The following PIR variants were observed in gnomAD, a reference collection of about 807,000 sequenced individuals.
PIR encodes pirin (iron-binding nuclear protein).
A neutral mutation model predicts 24.2 loss-of-function variants in PIR; 22 were observed. The ratio of observed to expected loss-of-function variants is 0.91; its 90% confidence interval spans 0.65 to 1.30. PIR has a LOEUF of 1.30. Among genes scored for constraint, PIR ranks in the 50% most tolerant of loss-of-function variants. The probability of loss-of-function intolerance (pLI) is 0.00; values close to 1 mark genes in which losing one functional copy is unlikely to be tolerated. For missense variants in PIR, 220 were observed against 220.3 expected, an observed-to-expected ratio of 1.00 and a Z score of 0.01; for synonymous variants, 80 against 79.6, an observed-to-expected ratio of 1.00 and a Z score of -0.03.
chrX:15,482,918 C>T (rs1056113939), intron 2 of PIR, among the ~76,000 whole-genome samples: 1 of 110,427 alleles, frequency 9.1e-6, no homozygotes, highest in African/African-American at 3.3e-5. Context: ...ATTCGATTAC[C>T]ATTATGGCTA....
At chrX:15,403,485 A>G (rs1431341766) in intron 7 of PIR, among the ~76,000 whole-genome samples, 1 of 112,446 alleles carries the variant, frequency 8.9e-6, no homozygotes, top group Non-Finnish European at 1.9e-5. Flanking sequence ...TGATCTCTGC[A>G]TTAATGTGTA....
intron 2 of PIR, among the ~76,000 whole-genome samples, chrX:15,480,409 C>T (rs980178885): frequency 1.8e-5 from 2 of 111,653 alleles, no homozygotes; most frequent in African/African-American, 3.3e-5. Flanking sequence ...TTATGAGAAG[C>T]GCAAAGAGTG....
chrX:15,472,842 C>A (rs1260721994), intron 3 of PIR, among the ~76,000 whole-genome samples: 1 of 112,258 alleles, frequency 8.9e-6, no homozygotes, highest in Non-Finnish European at 1.9e-5. Flanking sequence ...TCTTTAAACA[C>A]CATCTTCTTT....
intron 5 of PIR, among the ~76,000 whole-genome samples, chrX:15,428,087 C>T (rs1361388692): frequency 9.0e-6 from 1 of 111,306 alleles, no homozygotes; most frequent in East Asian, 2.8e-4. Flanking sequence ...TTTTGCATGG[C>T]TTAGAAGGTC....
chrX:15,403,134 G>A (rs1924444460), intron 7 of PIR, among the ~76,000 whole-genome samples: 1 of 111,246 alleles, frequency 9.0e-6, no homozygotes. Context: ...GGTCAATTAT[G>A]AGGCCTGCTG....
intron 6 of PIR, among the ~76,000 whole-genome samples, chrX:15,414,359 G>C (rs1924843599): frequency 8.9e-6 from 1 of 111,830 alleles, no homozygotes; most frequent in Non-Finnish European, 1.9e-5. Flanking sequence ...CTATTTCTTG[G>C]TTTTATTTGA....
chrX:15,459,075 A>T lies in PIR; in HGVS notation c.273+582T>A, dbSNP rs111332574. On this transcript the variant is annotated intron_variant, in intron 4 of 9. Transcript: ENST00000380420. ...GAGTTTCGACTTACAAAACTGGCAAATATGACCCAAGTATTTTGGGGGATT... is the reference window on the plus strand; with the variant it reads ...GAGTTTCGACTTACAAAACTGGCAATTATGACCCAAGTATTTTGGGGGATT... Among the ~76,000 whole-genome samples, 726 of 112,624 alleles carry T rather than the reference A, an allele frequency of 6.4e-3. 6 individuals are homozygous for T. Among genetic ancestry groups the T allele is most frequent in the African/African-American group, 0.022 (676 of 30,985 alleles).
intron 3 of PIR, among the ~76,000 whole-genome samples, chrX:15,472,413 T>C (rs1029275323): frequency 7.2e-5 from 8 of 111,789 alleles, no homozygotes; most frequent in African/African-American, 2.3e-4. Flanking sequence ...AACCCAAGTG[T>C]CCACCAATGG....
At chrX:15,466,734 G>A (rs894819270) in intron 3 of PIR, among the ~76,000 whole-genome samples, 3 of 111,671 alleles carry the variant, frequency 2.7e-5, no homozygotes, top group Non-Finnish European at 5.7e-5. Flanking sequence ...GATCCCATTC[G>A]TGGATCTTCA....
intron 6 of PIR, among the ~76,000 whole-genome samples, chrX:15,412,259 A>T (rs1924767743): frequency 8.9e-6 from 1 of 111,929 alleles, no homozygotes; most frequent in Admixed American, 9.5e-5. Context: ...CTTTCATTTG[A>T]AACAGTTCCT....
At chrX:15,421,194 C>T (rs1019494804) in intron 6 of PIR, among the ~76,000 whole-genome samples, 3 of 111,668 alleles carry the variant, frequency 2.7e-5, no homozygotes, top group East Asian at 2.8e-4. Flanking sequence ...ATAAAAATCA[C>T]GGATAGTGAA....
chrX:15,438,596 A>C (rs1925819370), intron 5 of PIR, among the ~76,000 whole-genome samples: 1 of 112,041 alleles, frequency 8.9e-6, no homozygotes, highest in South Asian at 3.7e-4. Flanking sequence ...CACATTTTAC[A>C]TGCCTCCTCA....
intron 6 of PIR, among the ~76,000 whole-genome samples, chrX:15,423,706 T>C (rs909476384): frequency 1.8e-5 from 2 of 110,524 alleles, no homozygotes; most frequent in African/African-American, 6.6e-5. Flanking sequence ...CCAGAATATA[T>C]AAGGAGCTCA....
Position 15,465,307 on chromosome X carries a change from A to G in PIR, c.190-5567T>C, listed in dbSNP as rs541522355. ...AAAAAAATCAGAAACCAAGGAAACC[A>G]CTGACCTTTTACTTATTATAACCTT... On this transcript the variant is annotated intron_variant, in intron 3 of 9. Transcript: ENST00000380420. Among the ~76,000 whole-genome samples, 38 of 111,827 alleles carry G rather than the reference A, an allele frequency of 3.4e-4. No homozygotes were observed. The South Asian group carries it at 0.013, about 39-fold the overall frequency.
intron 5 of PIR, among the ~76,000 whole-genome samples, chrX:15,428,500 A>G (rs750126633): frequency 8.9e-6 from 1 of 112,313 alleles, no homozygotes; most frequent in East Asian, 2.8e-4. Context: ...CCCTTCCAAC[A>G]GAGAAGAAAT....
chrX:15,460,828 T>C (rs767168329), intron 3 of PIR, among the ~76,000 whole-genome samples: 12 of 111,195 alleles, frequency 1.1e-4, no homozygotes, highest in African/African-American at 2.9e-4. Flanking sequence ...ACAATTTTTA[T>C]TTGCCAACTG....
chrX:15,436,319 G>T (rs1390987506), intron 5 of PIR, among the ~76,000 whole-genome samples: 2 of 111,818 alleles, frequency 1.8e-5, no homozygotes, highest in Non-Finnish European at 3.8e-5. Context: ...AGTGAGGAAA[G>T]AAGGACTAAA....
At chrX:15,468,642 A>T (rs1271516371) in intron 3 of PIR, among the ~76,000 whole-genome samples, 1 of 112,482 alleles carries the variant, frequency 8.9e-6, no homozygotes, top group Non-Finnish European at 1.9e-5. Flanking sequence ...TAATTTCTCA[A>T]ACTTTGAGTG....
At chrX:15,398,307 T>C (rs1924248085) in intron 7 of PIR, among the ~76,000 whole-genome samples, 1 of 111,936 alleles carries the variant, frequency 8.9e-6, no homozygotes, top group Non-Finnish European at 1.9e-5. Flanking sequence ...CCATCTCTTC[T>C]ATACTGAGGT....
Sources: gnomAD v4.1 joint callset for allele counts (sites outside exome capture counted in the v4.1 genomes callset) on GRCh38, gnomAD v4.1.1 for gene constraint, MANE v1.5 for transcripts, NCBI Gene and HGNC (gene_info 2026-07-23, HGNC 2026-07-21) for gene names.